The following UNC13C variants were observed in gnomAD, a reference collection of about 807,000 sequenced individuals.
The protein encoded by UNC13C is protein unc-13 homolog C.
UNC13C carries 174 observed loss-of-function variants against 245.4 expected under a neutral mutation model. The observed-to-expected ratio is 0.71, with a 90% CI of 0.63 to 0.80. The LOEUF is 0.80. UNC13C is among the 30% of genes least tolerant of loss of function. UNC13C has a pLI of 0.00. For synonymous variants in UNC13C, 992 were observed against 895.1 expected (o/e 1.11, Z -1.93); for missense variants, 2,829 against 2,602.9 (o/e 1.09, Z -1.89).
chr15:53,861,192 A>G, the UNC13C span, among the ~76,000 whole-genome samples: 1 of 152,192 alleles, frequency 6.6e-6, no homozygotes. Context: ...ATTAAAATGA[A>G]TATGTTCAAG....
At chr15:54,451,824 C>G (rs935726463) in intron 19 of UNC13C, among the ~76,000 whole-genome samples, 1 of 151,800 alleles carries the variant, frequency 6.6e-6, no homozygotes, top group Non-Finnish European at 1.5e-5. Context: ...GTCATATTTC[C>G]TTCCTTTGTC....
intron 19 of UNC13C, among the ~76,000 whole-genome samples, chr15:54,482,005 C>G (rs912410584): frequency 3.3e-5 from 5 of 152,132 alleles, no homozygotes; most frequent in Non-Finnish European, 7.3e-5. Flanking sequence ...CAGGGTTGCT[C>G]TGCATGGCAG....
At chr15:54,623,998 A>C (rs1472544147) in intron 32 of UNC13C, 44 bp downstream of exon 32, 12 of 1,609,288 alleles carry the variant, frequency 7.5e-6, no homozygotes, top group African/African-American at 1.3e-5. Context: ...GGCAATAGTT[A>C]CTGTACAGCT....
chr15:54,056,732 G>C (rs1348627117), intron 2 of UNC13C, among the ~76,000 whole-genome samples: 2 of 152,208 alleles, frequency 1.3e-5, no homozygotes, highest in African/African-American at 2.4e-5. Flanking sequence ...TACCCAGAAA[G>C]GGAAGCCCAT....
At chr15:54,625,931 TAGACTTCC>T (rs1241886648) in intron 32 of UNC13C, among the ~76,000 whole-genome samples, 1 of 152,144 alleles carries the variant, frequency 6.6e-6, no homozygotes, top group African/African-American at 2.4e-5. Flanking sequence ...TCTTATCCCC[TAGACTTCC>T]ATTTTCTTTC....
At chr15:54,226,148 A>G (rs1319958492) in intron 4 of UNC13C, among the ~76,000 whole-genome samples, 1 of 152,204 alleles carries the variant, frequency 6.6e-6, no homozygotes, top group Admixed American at 6.5e-5. Context: ...GCATTTCAGG[A>G]TGAAGCCAAG....
intron 19 of UNC13C, among the ~76,000 whole-genome samples, chr15:54,492,620 T>C (rs1431553908): frequency 6.6e-6 from 1 of 152,232 alleles, no homozygotes; most frequent in Non-Finnish European, 1.5e-5. Flanking sequence ...TTCAGACACA[T>C]ACAGTTGAAC....
At chr15:54,344,282 G>A (rs950908835) in intron 17 of UNC13C, among the ~76,000 whole-genome samples, 9 of 152,008 alleles carry the variant, frequency 5.9e-5, no homozygotes, top group Admixed American at 4.6e-4. Context: ...AATGATAAAC[G>A]AACAGTTTAT....
chr15:53,898,014 C>T, the UNC13C span, among the ~76,000 whole-genome samples: 19 of 152,258 alleles, frequency 1.2e-4, no homozygotes, highest in African/African-American at 4.3e-4. Context: ...TTGCTGAGCA[C>T]TGGCATCTTG....
intron 19 of UNC13C, among the ~76,000 whole-genome samples, chr15:54,450,217 C>T (rs1021654803): frequency 3.3e-5 from 5 of 152,282 alleles, no homozygotes; most frequent in East Asian, 1.9e-4. Context: ...ACTCGGGGGT[C>T]GGGGACCCAC....
chr15:54,563,977 C>G (rs1368636946), intron 29 of UNC13C, among the ~76,000 whole-genome samples: 2 of 151,964 alleles, frequency 1.3e-5, no homozygotes, highest in Non-Finnish European at 2.9e-5. Context: ...TGCTGTCATT[C>G]CAGGTTTTGA....
At chr15:54,616,046 G>C (rs1348938979) in intron 30 of UNC13C, among the ~76,000 whole-genome samples, 1 of 151,918 alleles carries the variant, frequency 6.6e-6, no homozygotes, top group Non-Finnish European at 1.5e-5. Context: ...TTTAAAGTTA[G>C]GATACCTAAA....
chr15:53,918,268 A>T, the UNC13C span, among the ~76,000 whole-genome samples: 13 of 149,712 alleles, frequency 8.7e-5, no homozygotes, highest in Non-Finnish European at 1.5e-5. Flanking sequence ...CTCACAGGCT[A>T]AGCTGCAGCT....
At chr15:54,598,838 G>A (rs559621370) in intron 30 of UNC13C, among the ~76,000 whole-genome samples, 1 of 152,250 alleles carries the variant, frequency 6.6e-6, no homozygotes, top group East Asian at 1.9e-4. Flanking sequence ...AATGTTAGCT[G>A]TATTGTACTG....
chr15:54,401,354 G>A (rs1248953770), intron 18 of UNC13C, among the ~76,000 whole-genome samples: 41 of 152,040 alleles, frequency 2.7e-4, no homozygotes, highest in Admixed American at 2.7e-3. Flanking sequence ...TCTGAAAGTG[G>A]TTAACTACTG....
intron 26 of UNC13C, among the ~76,000 whole-genome samples, chr15:54,542,190 T>G (rs1387057153): frequency 6.6e-6 from 1 of 152,202 alleles, no homozygotes; most frequent in Non-Finnish European, 1.5e-5. Context: ...TTACTTTGTG[T>G]GCTTTAAAAG....
At chr15:54,132,607 A>G (rs750622627) in intron 2 of UNC13C, among the ~76,000 whole-genome samples, 6 of 152,232 alleles carry the variant, frequency 3.9e-5, no homozygotes, top group Admixed American at 6.5e-5. Flanking sequence ...TTGCAGACTT[A>G]TCTAGCATAC....
At chr15:54,554,051 T>C (rs571752562) in intron 28 of UNC13C, among the ~76,000 whole-genome samples, 1 of 152,102 alleles carries the variant, frequency 6.6e-6, no homozygotes, top group East Asian at 1.9e-4. Flanking sequence ...ATATATATCA[T>C]GGATCCATGA....
the UNC13C span, among the ~76,000 whole-genome samples, chr15:53,863,912 C>T: frequency 2.0e-5 from 3 of 152,154 alleles, no homozygotes; most frequent in African/African-American, 4.8e-5. Context: ...CTGGTGGAGT[C>T]CACGATGTAG....
Sources: allele counts gnomAD v4.1 joint callset (sites outside exome capture counted in the v4.1 genomes callset), GRCh38; gene constraint gnomAD v4.1.1; transcripts MANE v1.5; gene names NCBI Gene and HGNC (gene_info 2026-07-23, HGNC 2026-07-21).